Variants in EPHA6 observed in about 807,000 individuals in gnomAD.
EPHA6 encodes ephrin type-A receptor 6.
EPHA6 carries 50 observed loss-of-function variants against 112.0 expected under a neutral mutation model. The ratio of observed to expected loss-of-function variants is 0.45; its 90% CI spans 0.36 to 0.56. EPHA6 has a LOEUF of 0.56. Among genes scored for constraint, EPHA6 ranks in the 20% least tolerant of loss-of-function variants. The probability of loss-of-function intolerance (pLI) is 0.00; values close to 1 mark genes in which losing one functional copy is unlikely to be tolerated. For synonymous variants in EPHA6, 529 were observed against 490.7 expected (o/e 1.08, Z -1.03); for missense variants, 1,280 against 1,417.4 (o/e 0.90, Z 1.56).
chr3:97,506,323 A>G lies in EPHA6; in HGVS notation c.2200+22264A>G, dbSNP rs1264629808. On this transcript the variant is annotated intron_variant, in intron 10 of 17. Coordinates refer to ENST00000389672, the MANE Select transcript of EPHA6 (RefSeq NM_001080448.3). ...GAGTTTTTATGGTTTTAGGTCTTAC[A>G]TTTAAGTCTTTAGTCCATCTTGAGT... Among the ~76,000 whole-genome samples the G allele has an allele frequency of 6.6e-5, 10 of 152,308 alleles. No homozygotes were observed. In the East Asian group the frequency reaches 1.9e-3, roughly 29 times the overall value.
At chr3:96,976,364 ATATTT>A (rs2042522063) in intron 2 of EPHA6, among the ~76,000 whole-genome samples, 1 of 152,138 alleles carries the variant, frequency 6.6e-6, no homozygotes, top group Non-Finnish European at 1.5e-5. Context: ...AACACTTACT[ATATTT>A]TACTATATAA....
At position 97,108,283 on chromosome 3, in the gene EPHA6, C is replaced by G. The variant is rs1391099827; in HGVS notation, c.1115-117981C>G. On this transcript the variant is annotated intron_variant, in intron 3 of 17. Coordinates refer to ENST00000389672, the MANE Select transcript of EPHA6 (RefSeq NM_001080448.3). ...GGTTATTATCAATAGTTAAAACCAA[C>G]TGGATAGCAAGTGTTCCCATTTAAA... Among the ~76,000 whole-genome samples the G allele has an allele frequency of 2.0e-5, 3 of 152,280 alleles. No individual in the cohort carries two copies. The East Asian group carries it at 5.8e-4, about 29-fold the overall frequency.
At chr3:97,454,988 A>G (rs1261932281) in intron 7 of EPHA6, among the ~76,000 whole-genome samples, 1 of 152,002 alleles carries the variant, frequency 6.6e-6, no homozygotes, top group Non-Finnish European at 1.5e-5. Flanking sequence ...ATCTCCAGTC[A>G]ATAGCACACT....
intron 5 of EPHA6, among the ~76,000 whole-genome samples, chr3:97,349,772 C>G (rs528576503): frequency 6.6e-6 from 1 of 152,108 alleles, no homozygotes; most frequent in South Asian, 2.1e-4. Context: ...TCAAAGTCTT[C>G]ATTGAGCAGG....
At chr3:97,651,525 C>T (rs1482964023) in intron 14 of EPHA6, among the ~76,000 whole-genome samples, 1 of 152,054 alleles carries the variant, frequency 6.6e-6, no homozygotes, top group African/African-American at 2.4e-5. Context: ...TCTAGTCCTT[C>T]TAACCTAAGT....
intron 14 of EPHA6, among the ~76,000 whole-genome samples, chr3:97,705,550 T>G (rs2033632502): frequency 6.6e-6 from 1 of 152,088 alleles, no homozygotes; most frequent in Admixed American, 6.6e-5. Flanking sequence ...TGAGAAAACA[T>G]CAAAGAACCA....
chr3:97,405,668 TC>T (rs1444831682), intron 6 of EPHA6, among the ~76,000 whole-genome samples: 3 of 152,104 alleles, frequency 2.0e-5, no homozygotes, highest in Non-Finnish European at 4.4e-5. Context: ...GTAGCACATA[TC>T]CTTTGCCAGT....
At position 97,326,334 on chromosome 3, in the gene EPHA6, A is replaced by T. The variant is rs896176916; in HGVS notation, c.1607-78816A>T. On this transcript the variant is annotated intron_variant, in intron 5 of 17. Transcript: ENST00000389672. Reference sequence around the variant, plus strand: ...TTTGCAGCATTATATGCAATAGTAGAGTAGTTTAGCTTTGAAATTTTAAAT... The same window carrying T: ...TTTGCAGCATTATATGCAATAGTAGTGTAGTTTAGCTTTGAAATTTTAAAT... Among the ~76,000 whole-genome samples, 5 of 151,992 alleles carry T rather than the reference A, an allele frequency of 3.3e-5. No homozygotes were observed. The East Asian group carries it at 9.7e-4, about 29-fold the overall frequency.
intron 14 of EPHA6, among the ~76,000 whole-genome samples, chr3:97,662,862 G>A (rs1008280010): frequency 1.3e-5 from 2 of 152,134 alleles, no homozygotes; most frequent in African/African-American, 4.8e-5. Context: ...CCATTTCTGT[G>A]TACACAGGCT....
chr3:97,292,080 C>G (rs1411384075), intron 5 of EPHA6, among the ~76,000 whole-genome samples: 2 of 152,336 alleles, frequency 1.3e-5, no homozygotes, highest in East Asian at 3.9e-4. Context: ...CTCCAGGCAC[C>G]AGCACAAGCA....
chr3:96,883,365 G>A (rs1480653463), intron 2 of EPHA6, among the ~76,000 whole-genome samples: 6 of 152,058 alleles, frequency 3.9e-5, no homozygotes, highest in Non-Finnish European at 8.8e-5. Flanking sequence ...CCAGTCTGTA[G>A]GTTGTTTACT....
At position 97,389,335 on chromosome 3, in the gene EPHA6, T is replaced by C. The variant is rs535479698; in HGVS notation, c.1607-15815T>C. ...TGGCTGAATATAGTTGATATGGTCA[T>C]GATGTGTGCTGGTCAGCATTGCACA... On this transcript the variant is annotated intron_variant, in intron 5 of 17. Coordinates refer to ENST00000389672, the MANE Select transcript of EPHA6 (RefSeq NM_001080448.3). Among the ~76,000 whole-genome samples, 3 of 152,318 alleles carry C rather than the reference T, an allele frequency of 2.0e-5. No homozygotes were observed. The East Asian group carries it at 5.8e-4, about 29-fold the overall frequency.
chr3:97,097,244 T>C (rs1362904110), intron 3 of EPHA6, among the ~76,000 whole-genome samples: 4 of 151,770 alleles, frequency 2.6e-5, no homozygotes, highest in Middle Eastern at 6.8e-3. Context: ...ATGGAAAATA[T>C]AAAGAAAAAT....
At chr3:97,691,415 T>G (rs1441513207) in intron 14 of EPHA6, among the ~76,000 whole-genome samples, 1 of 152,238 alleles carries the variant, frequency 6.6e-6, no homozygotes, top group Non-Finnish European at 1.5e-5. Context: ...GTTTCAGCTG[T>G]TGTGGGCCCC....
intron 14 of EPHA6, among the ~76,000 whole-genome samples, chr3:97,642,807 C>CG (rs1560221969): frequency 1.3e-5 from 2 of 151,292 alleles, no homozygotes; most frequent in Non-Finnish European, 2.9e-5. Flanking sequence ...ACCAAATCTA[C>CG]GTCTGATTGG....
intron 2 of EPHA6, among the ~76,000 whole-genome samples, chr3:96,879,569 A>G (rs1161554976): frequency 6.6e-6 from 1 of 152,058 alleles, no homozygotes; most frequent in African/African-American, 2.4e-5. Flanking sequence ...ATAATATTGC[A>G]TATTTCAAAA....
At chr3:97,093,728 G>C (rs2047147099) in intron 3 of EPHA6, among the ~76,000 whole-genome samples, 1 of 152,066 alleles carries the variant, frequency 6.6e-6, no homozygotes, top group Admixed American at 6.6e-5. Flanking sequence ...TAAGTGGAAT[G>C]ATGACTTCCT....
intron 6 of EPHA6, among the ~76,000 whole-genome samples, chr3:97,424,774 C>T (rs1328794282): frequency 6.7e-6 from 1 of 149,394 alleles, no homozygotes; most frequent in African/African-American, 2.5e-5. Context: ...CCATTGCACT[C>T]CAGCTTGGGC....
At chr3:96,907,909 C>T (rs755339542) in intron 2 of EPHA6, among the ~76,000 whole-genome samples, 8 of 151,726 alleles carry the variant, frequency 5.3e-5, no homozygotes, top group Non-Finnish European at 1.2e-4. Context: ...TGCTTAGTGA[C>T]GGGATATGTT....
Sources: allele counts gnomAD v4.1 joint callset (sites outside exome capture counted in the v4.1 genomes callset), GRCh38; gene constraint gnomAD v4.1.1; transcripts MANE v1.5; gene names NCBI Gene and HGNC (gene_info 2026-07-23, HGNC 2026-07-21).